The following BAZ1B variants were observed in gnomAD, a reference collection of about 807,000 sequenced individuals.
BAZ1B encodes tyrosine-protein kinase BAZ1B.
In BAZ1B, 22 loss-of-function variants were observed where a neutral mutation model predicts 153.8. That is an observed-to-expected ratio of 0.14 (90% CI 0.10 to 0.20). The LOEUF is 0.20. BAZ1B is among the 10% of genes least tolerant of loss of function. The pLI is 1.00. For missense variants in BAZ1B, 1,325 were observed against 1,799.3 expected, an observed-to-expected ratio of 0.74 and a Z score of 4.77; for synonymous variants, 676 against 633.4, an observed-to-expected ratio of 1.07 and a Z score of -1.01.
chr7:73,458,385 G>A (rs1301364490), intron 13 of BAZ1B, among the ~76,000 whole-genome samples: 1 of 152,102 alleles, frequency 6.6e-6, no homozygotes, highest in Non-Finnish European at 1.5e-5. Context: ...CATAAAAATG[G>A]TAAATTTGGG....
In BAZ1B at chr7:73,478,142, A is replaced by G. The variant is rs781923802; in HGVS notation, c.1319T>C (p.Leu440Ser). Residue 440 changes from leucine (L) to serine (S), a missense_variant, in exon 7 of 20, where the codon TTG becomes TCG. By Grantham distance (145) the Leu-to-Ser change is moderately radical. Coordinates refer to ENST00000339594, the MANE Select transcript of BAZ1B (RefSeq NM_032408.4). ...CTGCGTGCCTTTGGCCATATCCAAC[A>G]AAGTCATCTGCTTCATTTTGGTTTT... ...TPKTKMKQMT[L>S]LDMAKGTQKM... 4 of 1,614,154 alleles carry G rather than the reference A, an allele frequency of 2.5e-6. No homozygotes were observed. Among genetic ancestry groups the G allele is most frequent in the Non-Finnish European group, 2.5e-6 (3 of 1,180,032 alleles).
At chr7:73,461,339 G>A (rs1168646379) in intron 12 of BAZ1B, among the ~76,000 whole-genome samples, 3 of 152,184 alleles carry the variant, frequency 2.0e-5, no homozygotes, top group Non-Finnish European at 2.9e-5. Context: ...AATAAAAAAT[G>A]TCCTTAAATA....
chr7:73,501,842 C>T (rs1330064671), intron 3 of BAZ1B, among the ~76,000 whole-genome samples: 4 of 151,484 alleles, frequency 2.6e-5, no homozygotes, highest in Non-Finnish European at 5.9e-5. Context: ...TGATTATAAA[C>T]TTTAATAAAT....
rs782061342 is a variant in BAZ1B, at chr7:73,442,806, G to A, written c.4013C>T (p.Ser1338Phe). ...CTGCAGCTCCAGGCTTTGCCTCCGG[G>A]AGCTCCGCTTGGTCTGAAGCACCTG... ...DELVLQTKRS[S>F]RRQSLELQKC... Residue 1338 changes from serine to phenylalanine, a missense_variant, in exon 18 of 20, where the codon TCC becomes TTC. By Grantham distance (155) the Ser-to-Phe change is radical. Around this residue, in one of 9 missense-constraint regions of BAZ1B, gnomAD observed 271 missense variants for 337.2 expected, o/e 0.80. Coordinates refer to ENST00000339594, the MANE Select transcript of BAZ1B (RefSeq NM_032408.4). 1.2e-6 allele frequency: 2 copies of A among 1,614,036 alleles called. No individual in the cohort carries two copies. Among genetic ancestry groups the A allele is most frequent in the Non-Finnish European group, 1.7e-6 (2 of 1,179,922 alleles).
At chr7:73,520,454 T>G (rs1269089071) in intron 1 of BAZ1B, among the ~76,000 whole-genome samples, 1 of 152,110 alleles carries the variant, frequency 6.6e-6, no homozygotes, top group Non-Finnish European at 1.5e-5. Context: ...AGGGATGAGG[T>G]AGGAAGAGCG....
At chr7:73,488,714 C>CAAAAAAA (rs35812071) in intron 6 of BAZ1B, among the ~76,000 whole-genome samples, 1 of 59,266 alleles carries the variant, frequency 1.7e-5, no homozygotes, top group Non-Finnish European at 3.5e-5. Flanking sequence ...GACTCCAACT[C>CAAAAAAA]AAAAAAAAAA....
At chr7:73,493,073 TAA>T in intron 4 of BAZ1B, 152 bp from the exon 5 acceptor site, 1 of 758,452 alleles carries the variant, frequency 1.3e-6, no homozygotes, top group Non-Finnish European at 2.0e-6. Flanking sequence ...TTCAAGGAGC[TAA>T]AGTCTATGAG....
chr7:73,483,011 C>A (rs184202734), intron 6 of BAZ1B, among the ~76,000 whole-genome samples: 1 of 152,168 alleles, frequency 6.6e-6, no homozygotes, highest in Non-Finnish European at 1.5e-5. Flanking sequence ...CCCTATCCCC[C>A]ACTCAGCACA....
At chr7:73,490,439 T>C (rs1789590699) in intron 5 of BAZ1B, among the ~76,000 whole-genome samples, 1 of 152,140 alleles carries the variant, frequency 6.6e-6, no homozygotes. Flanking sequence ...TACCTACCAT[T>C]CACTAAATCT....
rs1248228183 is a variant in BAZ1B, at chr7:73,514,615, G to A, written c.108-3763C>T. 3.3e-5 allele frequency among the ~76,000 whole-genome samples: 5 copies of A among 151,682 alleles called. No individual in the cohort carries two copies. The East Asian group carries it at 9.6e-4, about 29-fold the overall frequency. On this transcript the variant is annotated intron_variant, in intron 1 of 19. Coordinates refer to ENST00000339594, the MANE Select transcript of BAZ1B (RefSeq NM_032408.4). The stretch of plus-strand genomic sequence containing the variant: ...GCTCAAGCCCAGGAGTTCAAGAGCA[G>A]CCTGGGCAACATAGCAAAACCCCAT...
In BAZ1B at chr7:73,522,144, A is replaced by G. The variant is rs558111696; in HGVS notation, c.-211T>C. 10 of 400,028 alleles carry G rather than the reference A, an allele frequency of 2.5e-5. No homozygotes were observed. In the Admixed American group the frequency reaches 4.0e-4, roughly 16 times the overall value. The allele number at this position is 400,028 out of a possible 1,614,324, so 24.8% of individuals were successfully genotyped here. On this transcript the variant is annotated 5_prime_UTR_variant, in exon 1 of 20. Coordinates refer to ENST00000339594, the MANE Select transcript of BAZ1B (RefSeq NM_032408.4). ...GCCACGGCGCAGAGCTCCCGCGCAC[A>G]CCGCCGCGCCTCCCAGCAGCCCCCC...
In BAZ1B at chr7:73,521,801, C is replaced by G. The variant is rs530849601; in HGVS notation, c.107+26G>C. 600 of 1,478,460 alleles carry G rather than the reference C, an allele frequency of 4.1e-4. 7 individuals are homozygous for G. In the South Asian group the frequency reaches 6.2e-3, roughly 15 times the overall value. The allele number at this position is 1,478,460 out of a possible 1,614,324, so 91.6% of individuals were successfully genotyped here. On this transcript the variant is annotated intron_variant, in intron 1 of 19. Transcript: ENST00000339594. Reference sequence around the variant, plus strand: ...TACCCCGGCCCAGCCCGGCCCAGCCCGGCCCGCGCGGCTGGAAAAGGATAC... The same window carrying G: ...TACCCCGGCCCAGCCCGGCCCAGCCGGGCCCGCGCGGCTGGAAAAGGATAC...
chr7:73,517,343 CA>C (rs1323812101), intron 1 of BAZ1B, among the ~76,000 whole-genome samples: 1 of 151,578 alleles, frequency 6.6e-6, no homozygotes, highest in Non-Finnish European at 1.5e-5. Flanking sequence ...ACAAAACATA[CA>C]AAAATTAGGC....
intron 12 of BAZ1B, 107 bp downstream of exon 12, chr7:73,462,815 A>G (rs1554570576): frequency 8.8e-6 from 11 of 1,245,370 alleles, no homozygotes; most frequent in Non-Finnish European, 5.8e-6. Flanking sequence ...AAATCCAAAC[A>G]TCTGATTTCC....
intron 1 of BAZ1B, among the ~76,000 whole-genome samples, chr7:73,511,280 AT>A (rs1416021848): frequency 6.6e-6 from 1 of 152,046 alleles, no homozygotes; most frequent in Non-Finnish European, 1.5e-5. Context: ...ACTAAAAAAA[AT>A]AAAAAAAAAT....
chr7:73,482,471 A>G (rs1041739122), intron 6 of BAZ1B, among the ~76,000 whole-genome samples: 7 of 152,232 alleles, frequency 4.6e-5, no homozygotes, highest in African/African-American at 1.7e-4. Context: ...TCTAATGCTC[A>G]GAACAACAGA....
chr7:73,466,343 T>C lies in BAZ1B; in HGVS notation c.2925A>G (p.Thr975=). ...ASMNTQHGTA[T]EVAVETTTPK... ...GTGTGGTTGTCTCTACAGCAACTTC[T>C]GTTGCTGTTCCATGTTGTGTGTTCA... Residue 975 remains threonine, a synonymous_variant, in exon 10 of 20, where the codon ACA becomes ACG. Coordinates refer to ENST00000339594, the MANE Select transcript of BAZ1B (RefSeq NM_032408.4). The C allele has an allele frequency of 6.2e-7, 1 of 1,614,014 alleles. No individual in the cohort carries two copies. Among genetic ancestry groups the C allele is most frequent in the South Asian group, 1.1e-5 (1 of 91,084 alleles).
chr7:73,488,309 CTT>C (rs1270152590), intron 6 of BAZ1B, among the ~76,000 whole-genome samples: 1 of 152,178 alleles, frequency 6.6e-6, no homozygotes, highest in Non-Finnish European at 1.5e-5. Flanking sequence ...TGTCTTAAGT[CTT>C]GTCATCACTT....
Position 73,445,934 on chromosome 7 carries a change from A to G in BAZ1B, c.3844+1330T>C, listed in dbSNP as rs1387683289. Among the ~76,000 whole-genome samples the G allele has an allele frequency of 4.6e-5, 7 of 152,256 alleles. No individual in the cohort carries two copies. The East Asian group carries it at 1.2e-3, about 25-fold the overall frequency. On this transcript the variant is annotated intron_variant, in intron 16 of 19. Transcript: ENST00000339594. Reference sequence around the variant, plus strand: ...CACTGACTCTGACCAACAGAAGAGGATATTCCTGAATGCAGGACTGATGGG... The same window carrying G: ...CACTGACTCTGACCAACAGAAGAGGGTATTCCTGAATGCAGGACTGATGGG...
Sources: gnomAD v4.1 joint callset for allele counts (sites outside exome capture counted in the v4.1 genomes callset) on GRCh38, gnomAD v4.1.1 for gene constraint, gnomAD v4.1.1 regional missense constraint, MANE v1.5 for transcripts, NCBI Gene and HGNC (gene_info 2026-07-23, HGNC 2026-07-21) for gene names.